Variants in SGCZ observed in about 807,000 individuals in gnomAD.
SGCZ encodes zeta-sarcoglycan.
Under a neutral mutation model 41.3 loss-of-function variants are expected in SGCZ, and 40 were observed. The ratio of observed to expected loss-of-function variants is 0.97; its 90% CI spans 0.75 to 1.26. The LOEUF (loss-of-function observed/expected upper bound fraction) is 1.26, where lower values mean the gene tolerates loss of function less well. SGCZ is among the 50% of genes most tolerant of loss of function. The pLI is 0.00. For synonymous variants in SGCZ, 206 were observed against 137.5 expected, an observed-to-expected ratio of 1.50 and a Z score of -3.49; for missense variants, 552 against 369.8, an observed-to-expected ratio of 1.49 and a Z score of -4.04.
intron 2 of SGCZ, among the ~76,000 whole-genome samples, chr8:14,390,888 T>G (rs1340623464): frequency 3.9e-5 from 6 of 152,068 alleles, no homozygotes; most frequent in African/African-American, 1.4e-4. Context: ...TAGTAAAATG[T>G]CCAACTTTGA....
intron 5 of SGCZ, chr8:14,162,704 C>A (rs1804083906): frequency 6.6e-6 from 1 of 152,086 alleles, no homozygotes; most frequent in Admixed American, 6.5e-5. Context: ...AAACACTCAC[C>A]CAATGGTGGA....
chr8:14,792,968 C>T (rs1408915644), intron 1 of SGCZ, among the ~76,000 whole-genome samples: 1 of 152,170 alleles, frequency 6.6e-6, no homozygotes, highest in Admixed American at 6.5e-5. Flanking sequence ...ATCTCTCAGT[C>T]TTGAACTTCT....
chr8:15,039,449 G>A (rs945621219), intron 1 of SGCZ, among the ~76,000 whole-genome samples: 2 of 152,074 alleles, frequency 1.3e-5, no homozygotes, highest in African/African-American at 4.8e-5. Flanking sequence ...AATAGAATGG[G>A]GGTTACCAAA....
intron 2 of SGCZ, among the ~76,000 whole-genome samples, chr8:14,505,336 A>T (rs1464556224): frequency 6.6e-6 from 1 of 152,110 alleles, no homozygotes; most frequent in Non-Finnish European, 1.5e-5. Flanking sequence ...AATGCCCCAG[A>T]GTAAAGAGCG....
intron 3 of SGCZ, among the ~76,000 whole-genome samples, chr8:14,258,397 T>A (rs1474247121): frequency 1.3e-5 from 2 of 152,152 alleles, no homozygotes; most frequent in African/African-American, 2.4e-5. Context: ...TACTCTGACC[T>A]ACTGGAGGAT....
intron 1 of SGCZ, among the ~76,000 whole-genome samples, chr8:14,644,217 G>A (rs888259961): frequency 1.6e-4 from 24 of 151,662 alleles, no homozygotes; most frequent in African/African-American, 5.8e-4. Context: ...TTTAGATGAG[G>A]TAAACATTTA....
chr8:14,616,700 G>C (rs1175585105), intron 1 of SGCZ, among the ~76,000 whole-genome samples: 1 of 151,966 alleles, frequency 6.6e-6, no homozygotes, highest in Non-Finnish European at 1.5e-5. Context: ...TGTTTTTCAG[G>C]ACACGTTTAA....
Position 14,175,421 on chromosome 8 carries a change from G to A in SGCZ, c.425-10719C>T, listed in dbSNP as rs112537401. On this transcript the variant is annotated intron_variant, in intron 4 of 7. Coordinates refer to ENST00000382080, the MANE Select transcript of SGCZ (RefSeq NM_139167.4). ...GAATATAAAAAGCAATAATAATGTC[G>A]TAGTTTGAGAAATATAGAGAAATAA... Among the ~76,000 whole-genome samples the A allele has an allele frequency of 6.6e-4, 100 of 152,134 alleles. 1 individual carries two copies. Among genetic ancestry groups the A allele is most frequent in the African/African-American group, 2.1e-3 (89 of 41,532 alleles).
intron 1 of SGCZ, among the ~76,000 whole-genome samples, chr8:15,146,274 G>C (rs1799034909): frequency 6.6e-6 from 1 of 152,114 alleles, no homozygotes; most frequent in Non-Finnish European, 1.5e-5. Flanking sequence ...GCCTACCGTT[G>C]ATTTTCGTCG....
chr8:15,033,925 C>A (rs940387200), intron 1 of SGCZ, among the ~76,000 whole-genome samples: 5 of 152,178 alleles, frequency 3.3e-5, no homozygotes, highest in African/African-American at 1.2e-4. Context: ...TAACAGACAG[C>A]CTCCTCAGAA....
At chr8:14,454,681 C>G (rs1800692055) in intron 2 of SGCZ, among the ~76,000 whole-genome samples, 1 of 152,002 alleles carries the variant, frequency 6.6e-6, no homozygotes, top group South Asian at 2.1e-4. Context: ...GGTATTGATA[C>G]AGAAATAGAC....
At chr8:14,772,951 G>A (rs1175305440) in intron 1 of SGCZ, among the ~76,000 whole-genome samples, 1 of 152,056 alleles carries the variant, frequency 6.6e-6, no homozygotes, top group Admixed American at 6.6e-5. Flanking sequence ...CCAGTAATGG[G>A]ATGGCTGGGT....
intron 2 of SGCZ, among the ~76,000 whole-genome samples, chr8:14,414,635 A>G (rs530323225): frequency 6.6e-6 from 1 of 152,008 alleles, no homozygotes; most frequent in African/African-American, 2.4e-5. Flanking sequence ...CCTCCAACCA[A>G]TGCTATAGCC....
At chr8:15,023,791 C>A (rs1803345789) in intron 1 of SGCZ, among the ~76,000 whole-genome samples, 1 of 151,964 alleles carries the variant, frequency 6.6e-6, no homozygotes, top group Non-Finnish European at 1.5e-5. Flanking sequence ...AGAGAGAGTC[C>A]CATTTGGCCT....
intron 1 of SGCZ, among the ~76,000 whole-genome samples, chr8:14,650,919 T>C (rs1351448644): frequency 6.6e-6 from 1 of 152,082 alleles, no homozygotes; most frequent in Non-Finnish European, 1.5e-5. Context: ...GAAATATTTA[T>C]AAGGCAGAGA....
chr8:15,113,893 A>G lies in SGCZ; in HGVS notation c.39+123692T>C, dbSNP rs555337612. Among the ~76,000 whole-genome samples, 12 of 152,228 alleles carry G rather than the reference A, an allele frequency of 7.9e-5. No homozygotes were observed. The South Asian group carries it at 2.5e-3, about 32-fold the overall frequency. ...CCCATAGGCCCCATCTTTTTGTTCC[A>G]TCATAGAAAGCACACTGCTCCATCT... On this transcript the variant is annotated intron_variant, in intron 1 of 7. Transcript: ENST00000382080.
chr8:14,107,732 G>A (rs912179202), intron 6 of SGCZ, among the ~76,000 whole-genome samples: 2 of 152,090 alleles, frequency 1.3e-5, no homozygotes, highest in African/African-American at 4.8e-5. Flanking sequence ...ACGACCTCCT[G>A]GGCTCAAGCA....
chr8:14,986,500 A>G (rs1201974884), intron 1 of SGCZ, among the ~76,000 whole-genome samples: 1 of 152,110 alleles, frequency 6.6e-6, no homozygotes, highest in Non-Finnish European at 1.5e-5. Context: ...ACAAATTAGA[A>G]GGGATTTGCT....
chr8:14,603,947 T>G (rs1805669481), intron 1 of SGCZ, among the ~76,000 whole-genome samples: 1 of 152,162 alleles, frequency 6.6e-6, no homozygotes, highest in Non-Finnish European at 1.5e-5. Context: ...TAAGATTCCA[T>G]AGCGACATAT....
Sources: allele counts gnomAD v4.1 joint callset (sites outside exome capture counted in the v4.1 genomes callset), GRCh38; gene constraint gnomAD v4.1.1; transcripts MANE v1.5; gene names NCBI Gene and HGNC (gene_info 2026-07-23, HGNC 2026-07-21).